ARHGAP24: variants seen among roughly 807,000 people sequenced by gnomAD.
ARHGAP24 encodes Rho GTPase activating protein 24, also known as rho GTPase-activating protein 24.
In ARHGAP24, 50 loss-of-function variants were observed where a neutral mutation model predicts 76.4. The ratio of observed to expected loss-of-function variants is 0.65; its 90% CI spans 0.52 to 0.83. ARHGAP24 has a LOEUF of 0.83. ARHGAP24 is among the 40% of genes least tolerant of loss of function. The pLI, the probability that ARHGAP24 is intolerant of heterozygous loss-of-function variation, is 0.00. For missense variants in ARHGAP24, 930 were observed against 914.2 expected (o/e 1.02, Z -0.22); for synonymous variants, 345 against 323.3 (o/e 1.07, Z -0.72).
At chr4:85,713,940 T>C (rs1330086898) in intron 2 of ARHGAP24, among the ~76,000 whole-genome samples, 1 of 152,124 alleles carries the variant, frequency 6.6e-6, no homozygotes, top group Non-Finnish European at 1.5e-5. Flanking sequence ...ATAATACATG[T>C]ATATTAAGAA....
intron 1 of ARHGAP24, among the ~76,000 whole-genome samples, chr4:85,514,835 A>G (rs1187031723): frequency 6.6e-6 from 1 of 150,750 alleles, no homozygotes; most frequent in African/African-American, 2.4e-5. Context: ...AAAAAAAAAA[A>G]AAAAAAAAGT....
chr4:85,699,452 G>T (rs1352348194), intron 2 of ARHGAP24, among the ~76,000 whole-genome samples: 1 of 152,034 alleles, frequency 6.6e-6, no homozygotes, highest in Non-Finnish European at 1.5e-5. Flanking sequence ...TTTCAAAAAA[G>T]TTAGCCAGAT....
At chr4:85,524,076 A>T (rs1353493558) in intron 1 of ARHGAP24, among the ~76,000 whole-genome samples, 1 of 151,994 alleles carries the variant, frequency 6.6e-6, no homozygotes, top group Non-Finnish European at 1.5e-5. Context: ...AGACTGAATA[A>T]TTTTTCAGTT....
intron 3 of ARHGAP24, among the ~76,000 whole-genome samples, chr4:85,788,816 A>T (rs1380253613): frequency 2.6e-5 from 4 of 152,216 alleles, no homozygotes; most frequent in Non-Finnish European, 5.9e-5. Context: ...CCAAGTTCTT[A>T]AAGTACAGCT....
intron 3 of ARHGAP24, among the ~76,000 whole-genome samples, chr4:85,894,439 C>T (rs1271628441): frequency 6.6e-6 from 1 of 152,160 alleles, no homozygotes; most frequent in African/African-American, 2.4e-5. Flanking sequence ...GTATAGTCAA[C>T]TCTCTCTTCT....
chr4:85,578,423 T>A (rs1206737206), intron 2 of ARHGAP24, among the ~76,000 whole-genome samples: 4 of 152,170 alleles, frequency 2.6e-5, no homozygotes, highest in Non-Finnish European at 5.9e-5. Flanking sequence ...GGCAGAGGGA[T>A]CACAGCATGT....
chr4:85,685,360 C>T (rs776011195), intron 2 of ARHGAP24, among the ~76,000 whole-genome samples: 9 of 152,100 alleles, frequency 5.9e-5, no homozygotes, highest in East Asian at 1.9e-4. Context: ...GGGCTGTGCA[C>T]GGTGGCTCAC....
intron 2 of ARHGAP24, among the ~76,000 whole-genome samples, chr4:85,669,632 C>T (rs1378485470): frequency 8.3e-6 from 1 of 120,926 alleles, no homozygotes; most frequent in African/African-American, 3.2e-5. Context: ...CTGCATTGAC[C>T]CTGTACTTTC....
chr4:85,976,097 AAG>A (rs1739304787), intron 7 of ARHGAP24, among the ~76,000 whole-genome samples: 1 of 152,216 alleles, frequency 6.6e-6, no homozygotes, highest in Admixed American at 6.5e-5. Context: ...CCTTAAGTAA[AAG>A]GGATGAAAAA....
intron 1 of ARHGAP24, among the ~76,000 whole-genome samples, chr4:85,506,481 C>T (rs1277585329): frequency 6.6e-6 from 1 of 152,222 alleles, no homozygotes; most frequent in East Asian, 1.9e-4. Context: ...CAGGCTGCAG[C>T]CTTGCAGGTC....
intron 1 of ARHGAP24, among the ~76,000 whole-genome samples, chr4:85,566,915 G>C (rs1726873063): frequency 6.6e-6 from 1 of 152,194 alleles, no homozygotes; most frequent in Admixed American, 6.6e-5. Context: ...AGCATGAAAA[G>C]AGCCCAAGAC....
intron 2 of ARHGAP24, among the ~76,000 whole-genome samples, chr4:85,615,906 A>G (rs1720525485): frequency 6.6e-6 from 1 of 152,208 alleles, no homozygotes; most frequent in Admixed American, 6.5e-5. Flanking sequence ...AGTATTGTTT[A>G]TATTATTTAT....
intron 3 of ARHGAP24, among the ~76,000 whole-genome samples, chr4:85,745,592 T>TAAAA (rs10626605): frequency 7.0e-6 from 1 of 143,684 alleles, no homozygotes; most frequent in Non-Finnish European, 1.5e-5. Flanking sequence ...CCTTATCTCT[T>TAAAA]AAAAAAAAAA....
At chr4:85,665,385 T>G (rs1410348978) in intron 2 of ARHGAP24, among the ~76,000 whole-genome samples, 3 of 152,276 alleles carry the variant, frequency 2.0e-5, no homozygotes, top group Non-Finnish European at 4.4e-5. Context: ...TCCTCCATCC[T>G]TTTATTTTCA....
chr4:85,478,348 C>T (rs1264217496), intron 1 of ARHGAP24, among the ~76,000 whole-genome samples: 4 of 152,314 alleles, frequency 2.6e-5, no homozygotes, highest in Admixed American at 6.5e-5. Flanking sequence ...CATCGAGTCT[C>T]GCAATGGTAA....
chr4:85,641,361 C>A (rs1578100979), intron 2 of ARHGAP24, among the ~76,000 whole-genome samples: 1 of 152,146 alleles, frequency 6.6e-6, no homozygotes, highest in South Asian at 2.1e-4. Context: ...GCTGCCATAA[C>A]AAGGTACCAC....
intron 3 of ARHGAP24, among the ~76,000 whole-genome samples, chr4:85,837,897 G>A (rs1019978317): frequency 1.3e-5 from 2 of 152,170 alleles, no homozygotes; most frequent in Non-Finnish European, 2.9e-5. Context: ...TTCCTCGATC[G>A]GTATTGTATT....
At chr4:85,888,402 GAAA>G (rs377665282) in intron 3 of ARHGAP24, among the ~76,000 whole-genome samples, 2 of 125,156 alleles carry the variant, frequency 1.6e-5, no homozygotes, top group East Asian at 4.6e-4. Context: ...TTCCTCTCAA[GAAA>G]AAAAAAAAAA....
chr4:85,528,498 T>C (rs1486289532), intron 1 of ARHGAP24, among the ~76,000 whole-genome samples: 1 of 151,992 alleles, frequency 6.6e-6, no homozygotes, highest in Admixed American at 6.6e-5. Flanking sequence ...CAGATGGCAA[T>C]TGTAACAACA....
Sources: gnomAD v4.1 joint callset for allele counts (sites outside exome capture counted in the v4.1 genomes callset) on GRCh38, gnomAD v4.1.1 for gene constraint, MANE v1.5 for transcripts, NCBI Gene and HGNC (gene_info 2026-07-23, HGNC 2026-07-21) for gene names.